The following PLXNA4 variants were observed in gnomAD, a reference collection of about 807,000 sequenced individuals.
The protein encoded by PLXNA4 is plexin A4.
Under a neutral mutation model 191.8 loss-of-function variants are expected in PLXNA4, and 44 were observed. The observed-to-expected ratio is 0.23, with a 90% CI of 0.18 to 0.29. The LOEUF (loss-of-function observed/expected upper bound fraction) is 0.29, where lower values mean the gene tolerates loss of function less well. PLXNA4 is among the 10% of genes least tolerant of loss of function. The pLI, the probability that PLXNA4 is intolerant of heterozygous loss-of-function variation, is 1.00. For missense variants in PLXNA4, 1,800 were observed against 2,488.8 expected (o/e 0.72, Z 5.89); for synonymous variants, 1,082 against 1,009.5 (o/e 1.07, Z -1.36).
rs1189689104 is a variant in PLXNA4 at position 132,489,466 on chromosome 7, G to A, written c.1197C>T (p.Thr399=). 1.9e-6 allele frequency: 3 copies of A among 1,556,286 alleles called. No individual in the cohort carries two copies. In the Admixed American group the frequency reaches 5.2e-5, roughly 27 times the overall value. The change falls in exon 3 of 32, where the codon ACC becomes ACT. Residue 399 remains threonine, a synonymous_variant. Transcript: ENST00000321063. ...CCAGGCCACAGAAGTTATCGTCAAT[G>A]GTTAAGAGCTGCAAATTTTAAAAAG... ...KDIPCSSALL[T]IDDNFCGLDM...
At chr7:132,218,565 C>A (rs997936412) in intron 9 of PLXNA4, among the ~76,000 whole-genome samples, 1 of 152,200 alleles carries the variant, frequency 6.6e-6, no homozygotes, top group Non-Finnish European at 1.5e-5. Context: ...TTTGCTTTTG[C>A]AAGGAAGTTC....
Position 132,179,756 on chromosome 7 carries a change from G to T in PLXNA4, c.3805C>A (p.Leu1269Ile). Residue 1269 changes from leucine to isoleucine, a missense_variant, in exon 20 of 32, where the codon CTC becomes ATC. Around this residue, in one of 6 missense-constraint regions of PLXNA4, gnomAD observed 1,397 missense variants for 1,880.4 expected, o/e 0.74. Coordinates refer to ENST00000321063, the MANE Select transcript of PLXNA4 (RefSeq NM_020911.2). ...AYKRKSRESD[L>I]TLKRLQMQMD... The stretch of plus-strand genomic sequence containing the variant: ...TGCATCTGCAGCCGCTTCAGCGTGA[G>T]GTCACTTTCGCGGGACTTGCGTTTA... The T allele has an allele frequency of 6.2e-7, 1 of 1,614,168 alleles. No homozygotes were observed.
intron 1 of PLXNA4, among the ~76,000 whole-genome samples, chr7:132,563,332 CCTCCTTCTCCTCCTCTTT>C (rs1801437244): frequency 1.8e-5 from 2 of 113,218 alleles, no homozygotes; most frequent in African/African-American, 3.7e-5. Flanking sequence ...TTCTCCTCCT[CCTCCTTCTCCTCCTCTTT>C]CTCCTCCTTC....
At chr7:132,455,980 G>C (rs1218329412) in intron 3 of PLXNA4, among the ~76,000 whole-genome samples, 1 of 152,214 alleles carries the variant, frequency 6.6e-6, no homozygotes, top group Non-Finnish European at 1.5e-5. Context: ...GACGAGAGAA[G>C]GTGCCCCTCC....
rs538548124 is a variant in PLXNA4 at position 132,360,041 on chromosome 7, C to T, written c.1372-61819G>A. ...AGTTCTCATTTGCCATGGAGTTCAG[C>T]GGCTGAAGGGTAATTATAATGTTTA... On this transcript the variant is annotated intron_variant, in intron 3 of 31. Coordinates refer to ENST00000321063, the MANE Select transcript of PLXNA4 (RefSeq NM_020911.2). Among the ~76,000 whole-genome samples the T allele has an allele frequency of 1.4e-3, 206 of 152,264 alleles. 5 individuals carry two copies. The South Asian group carries it at 0.035, about 26-fold the overall frequency.
intron 2 of PLXNA4, among the ~76,000 whole-genome samples, chr7:132,636,059 G>T (rs1382769512): frequency 6.6e-6 from 1 of 152,146 alleles, no homozygotes; most frequent in Non-Finnish European, 1.5e-5. Context: ...CCTCCAAAAG[G>T]CTCCAATGTG....
chr7:132,527,539 C>CAAAAAAAAAAAAAAAAAAAAA (rs34598256), intron 1 of PLXNA4, among the ~76,000 whole-genome samples: 1 of 59,716 alleles, frequency 1.7e-5, no homozygotes. Context: ...GAAACAGACT[C>CAAAAAAAAAAAAAAAAAAAAA]AAAAAAAAAA....
rs530895972 is a variant in PLXNA4 at position 132,127,972 on chromosome 7, ATT to A, written c.*2505_*2506del. 2 of 81,958 alleles carry A rather than the reference ATT, an allele frequency of 2.4e-5. No homozygotes were observed. The highest frequency in any genetic ancestry group is 4.9e-5 in the Non-Finnish European group (2 of 40,598). 5.1% of individuals were successfully genotyped at this position (81,958 alleles called of 1,614,324 possible). On this transcript the variant is annotated 3_prime_UTR_variant, in exon 32 of 32. Transcript: ENST00000321063. ...TTTCTTTTTTTTTTCTGCTTGTTTG[ATT>A]TTTTCTCTTAACTGTGCAAAAAAAA...
At chr7:132,145,396 C>A in intron 28 of PLXNA4, 108 bp from the exon 29 acceptor site, 1 of 1,485,294 alleles carries the variant, frequency 6.7e-7, no homozygotes, top group South Asian at 1.3e-5. Flanking sequence ...ATACAGCCCA[C>A]CCTACTTGGG....
At chr7:132,309,322 G>A (rs187666447) in intron 3 of PLXNA4, among the ~76,000 whole-genome samples, 20 of 152,276 alleles carry the variant, frequency 1.3e-4, no homozygotes, top group Admixed American at 3.3e-4. Flanking sequence ...GGAGGATGGA[G>A]GGCAGAGGTG....
At chr7:132,621,246 G>GTTTTTTTT in intron 2 of PLXNA4, among the ~76,000 whole-genome samples, 1 of 127,646 alleles carries the variant, frequency 7.8e-6, no homozygotes, top group African/African-American at 3.0e-5. Context: ...GTTTTTTTTT[G>GTTTTTTTT]TTTTTTTTTT....
At chr7:132,254,828 T>C (rs1363744739) in intron 4 of PLXNA4, among the ~76,000 whole-genome samples, 1 of 152,218 alleles carries the variant, frequency 6.6e-6, no homozygotes, top group African/African-American at 2.4e-5. Context: ...GTCTGATCTA[T>C]ATCCGACTAA....
At chr7:132,202,896 G>T in intron 11 of PLXNA4, 60 bp from the exon 12 acceptor site, 2 of 1,429,654 alleles carry the variant, frequency 1.4e-6, no homozygotes, top group South Asian at 1.5e-5. Context: ...GACAGAAGGG[G>T]CCCAGAGAGA....
intron 3 of PLXNA4, among the ~76,000 whole-genome samples, chr7:132,307,013 T>C (rs918289467): frequency 1.3e-5 from 2 of 152,056 alleles, no homozygotes; most frequent in African/African-American, 2.4e-5. Context: ...AAGGGGACCT[T>C]CCTTGTGGAA....
chr7:132,418,066 G>A (rs546233356), intron 3 of PLXNA4, among the ~76,000 whole-genome samples: 2 of 152,304 alleles, frequency 1.3e-5, no homozygotes, highest in Admixed American at 1.3e-4. Flanking sequence ...ACCATCCACA[G>A]ACAAGCACCT....
chr7:132,562,971 TCCCTCCTCCTCC>T (rs1801339807), intron 1 of PLXNA4, among the ~76,000 whole-genome samples: 1 of 24,022 alleles, frequency 4.2e-5, no homozygotes, highest in Non-Finnish European at 7.6e-5. Context: ...CCTCCTCCTC[TCCCTCCTCCTCC>T]TTCTCCTCCT....
intron 1 of PLXNA4, among the ~76,000 whole-genome samples, chr7:132,567,186 G>T (rs1801770742): frequency 6.6e-6 from 1 of 152,116 alleles, no homozygotes; most frequent in Non-Finnish European, 1.5e-5. Flanking sequence ...TCCTGAAGAG[G>T]ACAAAAGAGA....
At position 132,182,098 on chromosome 7, in the gene PLXNA4, T is replaced by C; in HGVS notation, c.3251A>G (p.Asn1084Ser). Residue 1084 changes from asparagine (N) to serine (S), a missense_variant and splice_region_variant, in exon 17 of 32, where the codon AAT becomes AGT. Physicochemically the swap from Asn to Ser is conservative, Grantham distance 46. This residue lies in a region of PLXNA4 where 1,397 missense variants were observed against 1,880.4 expected (regional missense o/e 0.74). Transcript: ENST00000321063. ...RAKHGGKEHI[N>S]ICEVLNATEM... ...GAACCCCATCAGCCCTACACTCACATTGATGTGCTCCTTCCCTCCATGCTT... is the reference window on the plus strand; with the variant it reads ...GAACCCCATCAGCCCTACACTCACACTGATGTGCTCCTTCCCTCCATGCTT... 3.1e-6 allele frequency: 5 copies of C among 1,614,102 alleles called. No individual in the cohort carries two copies. Among genetic ancestry groups the C allele is most frequent in the Non-Finnish European group, 4.2e-6 (5 of 1,180,014 alleles).
chr7:132,311,846 G>A (rs564072208), intron 3 of PLXNA4, among the ~76,000 whole-genome samples: 1 of 152,290 alleles, frequency 6.6e-6, no homozygotes, highest in Admixed American at 6.5e-5. Context: ...GAGACTGTGG[G>A]GACAGCCTTC....
Sources: allele counts gnomAD v4.1 joint callset (sites outside exome capture counted in the v4.1 genomes callset), GRCh38; gene constraint gnomAD v4.1.1; regional missense constraint gnomAD v4.1.1; transcripts MANE v1.5; gene names NCBI Gene and HGNC (gene_info 2026-07-23, HGNC 2026-07-21).